The following PCDH9 variants were observed in gnomAD, a reference collection of about 807,000 sequenced individuals.
The protein encoded by PCDH9 is protocadherin 9.
Under a neutral mutation model 70.6 loss-of-function variants are expected in PCDH9, and 24 were observed. The observed-to-expected ratio is 0.34, with a 90% confidence interval of 0.25 to 0.48. PCDH9 has a LOEUF of 0.48. PCDH9 is among the 20% of genes least tolerant of loss of function. The probability of loss-of-function intolerance (pLI) is 0.99; values close to 1 mark genes in which losing one functional copy is unlikely to be tolerated. For missense variants in PCDH9, 1,281 were observed against 1,503.6 expected, an observed-to-expected ratio of 0.85 and a Z score of 2.45; for synonymous variants, 562 against 558.5, an observed-to-expected ratio of 1.01 and a Z score of -0.09.
At chr13:67,031,696 T>C (rs1454175604) in intron 2 of PCDH9, among the ~76,000 whole-genome samples, 2 of 152,118 alleles carry the variant, frequency 1.3e-5, no homozygotes, top group Non-Finnish European at 2.9e-5. Context: ...ATAATAAAAA[T>C]AATAATCACA....
intron 4 of PCDH9, among the ~76,000 whole-genome samples, chr13:66,432,153 T>A (rs1957783334): frequency 6.6e-6 from 1 of 152,056 alleles, no homozygotes; most frequent in African/African-American, 2.4e-5. Flanking sequence ...CGTTAGCAAC[T>A]AAAGTAGATA....
At chr13:66,774,840 A>G (rs933818191) in intron 3 of PCDH9, among the ~76,000 whole-genome samples, 2 of 152,138 alleles carry the variant, frequency 1.3e-5, no homozygotes, top group Non-Finnish European at 2.9e-5. Context: ...CTCACCTTCA[A>G]TCAGACAGCT....
At chr13:66,536,964 A>G (rs549820034) in intron 4 of PCDH9, among the ~76,000 whole-genome samples, 1 of 152,290 alleles carries the variant, frequency 6.6e-6, no homozygotes, top group South Asian at 2.1e-4. Flanking sequence ...CTCTCAAAAA[A>G]TTCTTTGAAA....
intron 3 of PCDH9, among the ~76,000 whole-genome samples, chr13:66,715,141 A>G (rs2078852215): frequency 6.6e-6 from 1 of 152,148 alleles, no homozygotes; most frequent in African/African-American, 2.4e-5. Flanking sequence ...ATCCCAAATC[A>G]TCAGTCACTG....
intron 2 of PCDH9, chr13:67,216,135 G>C (rs992868894): frequency 7.2e-5 from 11 of 152,236 alleles, no homozygotes; most frequent in African/African-American, 2.6e-4. Context: ...GTTGCTCCCA[G>C]TATCATACAG....
At chr13:66,940,635 G>A (rs984783430) in intron 2 of PCDH9, among the ~76,000 whole-genome samples, 4 of 151,758 alleles carry the variant, frequency 2.6e-5, no homozygotes, top group South Asian at 4.2e-4. Context: ...GTTAAGCCCC[G>A]AGAAACAAAA....
Position 66,736,074 on chromosome 13 carries a change from T to C in PCDH9, c.3139-104663A>G, listed in dbSNP as rs2079144168. ...AAAGTTAACTGAGTATATTTAAATATTGATTCATGTATCTTTCATTATCTA... is the reference window on the plus strand; with the variant it reads ...AAAGTTAACTGAGTATATTTAAATACTGATTCATGTATCTTTCATTATCTA... On this transcript the variant is annotated intron_variant, in intron 3 of 4. Transcript: ENST00000377865. Among the ~76,000 whole-genome samples, 2 of 152,184 alleles carry C rather than the reference T, an allele frequency of 1.3e-5. 1 individual carries two copies. The highest frequency in any genetic ancestry group is 4.1e-4 in the South Asian group (2 of 4,824).
chr13:66,577,573 T>C (rs545614578), intron 4 of PCDH9, among the ~76,000 whole-genome samples: 23 of 151,994 alleles, frequency 1.5e-4, no homozygotes, highest in Non-Finnish European at 3.1e-4. Flanking sequence ...AGCCCAGAAA[T>C]ACACTGCATA....
intron 4 of PCDH9, among the ~76,000 whole-genome samples, chr13:66,510,693 C>G (rs1239074324): frequency 1.3e-5 from 2 of 152,114 alleles, no homozygotes; most frequent in Non-Finnish European, 2.9e-5. Context: ...AATGAACTCA[C>G]AATTTTTATG....
intron 2 of PCDH9, among the ~76,000 whole-genome samples, chr13:66,919,124 C>T (rs1272539960): frequency 6.6e-6 from 1 of 151,102 alleles, no homozygotes; most frequent in African/African-American, 2.4e-5. Flanking sequence ...GTTATTTTAT[C>T]TTCTCACTAT....
At chr13:66,408,037 T>C (rs540264059) in intron 4 of PCDH9, among the ~76,000 whole-genome samples, 3 of 150,600 alleles carry the variant, frequency 2.0e-5, no homozygotes, top group African/African-American at 7.3e-5. Context: ...CAAAGTTTTA[T>C]CAGCAGGGAT....
At chr13:66,428,508 T>G (rs1173042266) in intron 4 of PCDH9, among the ~76,000 whole-genome samples, 1 of 151,800 alleles carries the variant, frequency 6.6e-6, no homozygotes, top group Non-Finnish European at 1.5e-5. Flanking sequence ...CATCTTTTTA[T>G]TGACAACTTT....
At chr13:66,624,135 T>C (rs2077469159) in intron 4 of PCDH9, among the ~76,000 whole-genome samples, 1 of 152,198 alleles carries the variant, frequency 6.6e-6, no homozygotes, top group African/African-American at 2.4e-5. Context: ...TTTGAATTAG[T>C]GGTAATAACT....
At chr13:66,893,679 C>A (rs1023375833) in intron 3 of PCDH9, among the ~76,000 whole-genome samples, 1 of 151,994 alleles carries the variant, frequency 6.6e-6, no homozygotes. Context: ...CACATGTGCA[C>A]GCAATAACAT....
chr13:67,010,371 G>A (rs1044857357), intron 2 of PCDH9, among the ~76,000 whole-genome samples: 2 of 151,888 alleles, frequency 1.3e-5, no homozygotes, highest in Non-Finnish European at 2.9e-5. Flanking sequence ...GGCACGGTGG[G>A]TGCCTCACAG....
chr13:66,882,887 C>T (rs1478815157), intron 3 of PCDH9, among the ~76,000 whole-genome samples: 1 of 152,146 alleles, frequency 6.6e-6, no homozygotes, highest in East Asian at 1.9e-4. Flanking sequence ...ATAATACTGA[C>T]CTCGTGAAGT....
At chr13:66,357,495 AT>A (rs200628512) in intron 4 of PCDH9, among the ~76,000 whole-genome samples, 40 of 151,448 alleles carry the variant, frequency 2.6e-4, no homozygotes, top group Admixed American at 1.6e-3. Flanking sequence ...TTATCAACTA[AT>A]TTTTTTTTGT....
At chr13:66,711,685 G>A (rs1019820979) in intron 3 of PCDH9, among the ~76,000 whole-genome samples, 2 of 152,038 alleles carry the variant, frequency 1.3e-5, no homozygotes, top group African/African-American at 4.8e-5. Context: ...TGTTACTTTC[G>A]AAATATACTC....
At chr13:66,708,201 C>T (rs972444887) in intron 3 of PCDH9, among the ~76,000 whole-genome samples, 3 of 151,098 alleles carry the variant, frequency 2.0e-5, no homozygotes, top group Admixed American at 6.6e-5. Context: ...AGGCGCCCGC[C>T]ACTACGCCCG....
Sources: gnomAD v4.1 joint callset for allele counts (sites outside exome capture counted in the v4.1 genomes callset) on GRCh38, gnomAD v4.1.1 for gene constraint, MANE v1.5 for transcripts, NCBI Gene and HGNC (gene_info 2026-07-23, HGNC 2026-07-21) for gene names.